The following UBR4 variants were observed in gnomAD, a reference collection of about 807,000 sequenced individuals.
UBR4 encodes E3 ubiquitin-protein ligase UBR4.
UBR4 carries 124 observed loss-of-function variants against 575.6 expected under a neutral mutation model. That is an observed-to-expected ratio of 0.22 (90% confidence interval 0.19 to 0.25). The LOEUF (loss-of-function observed/expected upper bound fraction) is 0.25, where lower values mean the gene tolerates loss of function less well. UBR4 is among the 10% of genes least tolerant of loss of function. The pLI is 1.00. For synonymous variants in UBR4, 2,455 were observed against 2,473.7 expected (o/e 0.99, Z 0.22); for missense variants, 4,818 against 6,478.8 (o/e 0.74, Z 8.80).
chr1:19,152,291 C>T lies in UBR4; in HGVS notation c.6996+22G>A. 6.2e-7 allele frequency: 1 copy of T among 1,613,128 alleles called. No homozygotes were observed. The highest frequency in any genetic ancestry group is 1.1e-5 in the South Asian group (1 of 91,034). On this transcript the variant is annotated intron_variant, in intron 47 of 105. Coordinates refer to ENST00000375254, the MANE Select transcript of UBR4 (RefSeq NM_020765.3). This position sits in a 1 kb window ranked among gnomAD's most constrained non-coding sequence, Gnocchi z 4.4. ...TGAGTCCTTCTACCCAGGGATTGAT[C>T]CCAGCCCAGTGCCATTCTTACCTTG...
At position 19,095,547 on chromosome 1, in the gene UBR4, G is replaced by A; in HGVS notation, c.13624C>T (p.Leu4542=). Residue 4542 remains leucine, a splice_region_variant and synonymous_variant, in exon 93 of 106, where the codon CTG becomes TTG. Coordinates refer to ENST00000375254, the MANE Select transcript of UBR4 (RefSeq NM_020765.3). ...TLNVMLGTLN[L]ALVAEQESKD... ...CACCTGCAGTCCATGCTCCTTACCA[G>A]GTTTAGGGTCCCCAGCATGACGTTC... 6.2e-7 allele frequency: 1 copy of A among 1,613,718 alleles called. No individual in the cohort carries two copies. The highest frequency in any genetic ancestry group is 8.5e-7 in the Non-Finnish European group (1 of 1,179,958).
At chr1:19,077,569 AC>A (rs1349517567) in intron 104 of UBR4, among the ~76,000 whole-genome samples, 1 of 152,174 alleles carries the variant, frequency 6.6e-6, no homozygotes, top group Non-Finnish European at 1.5e-5. Flanking sequence ...CCTCATCTCT[AC>A]TAAAAAAACA....
At position 19,105,037 on chromosome 1, in the gene UBR4, G is replaced by C; in HGVS notation, c.12645+11C>G. The stretch of plus-strand genomic sequence containing the variant: ...AGGGAAGGGGCTCTCTTGGGCAATA[G>C]GGTAGGATACCTTGGTGATGAGGTT... On this transcript the variant is annotated intron_variant, in intron 85 of 105. Transcript: ENST00000375254. The C allele has an allele frequency of 6.2e-7, 1 of 1,613,070 alleles. No individual in the cohort carries two copies. Among genetic ancestry groups the C allele is most frequent in the South Asian group, 1.1e-5 (1 of 90,978 alleles).
In UBR4 at chr1:19,121,471, G is replaced by A. The variant is rs201312454; in HGVS notation, c.9896-37C>T. 212 of 1,591,534 alleles carry A rather than the reference G, an allele frequency of 1.3e-4. 1 individual carries two copies. In the South Asian group the frequency reaches 2.0e-3, roughly 15 times the overall value. ...GGAGACAGAGGCTCACCTCTGAGAC[G>A]ACCTCAACCAGACTCAGGAGAACCA... On this transcript the variant is annotated intron_variant, in intron 67 of 105. Coordinates refer to ENST00000375254, the MANE Select transcript of UBR4 (RefSeq NM_020765.3).
At chr1:19,104,982 A>C in intron 85 of UBR4, 66 bp downstream of exon 85, 1 of 1,568,614 alleles carries the variant, frequency 6.4e-7, no homozygotes, top group Non-Finnish European at 8.6e-7. Context: ...ACACCATAGT[A>C]GAGTTTACAT....
rs1312739036 is a variant in UBR4, at chr1:19,174,335, T to G, written c.2966A>C (p.Lys989Thr). The G allele has an allele frequency of 6.2e-7, 1 of 1,613,258 alleles. No individual in the cohort carries two copies. Among genetic ancestry groups the G allele is most frequent in the East Asian group, 2.2e-5 (1 of 44,858 alleles). Residue 989 changes from lysine (K) to threonine (T), a missense_variant, in exon 22 of 106, where the codon AAG becomes ACG. Coordinates refer to ENST00000375254, the MANE Select transcript of UBR4 (RefSeq NM_020765.3). ...QLDTVRRKEN[K>T]NVTALEACAL... ...TGGTCTTACCAAGGCTGTTACATTC[T>G]TGTTTTCCTTTCTCCTAACTGTATC...
rs190840296 is a variant in UBR4, at chr1:19,176,795, G to A, written c.2638-68C>T. ...ACCATTCAGCTTTTCACTCAGGCAT[G>A]ATAATAGCTCGGTACACTGAATCTT... On this transcript the variant is annotated intron_variant, in intron 19 of 105. Coordinates refer to ENST00000375254, the MANE Select transcript of UBR4 (RefSeq NM_020765.3). The A allele has an allele frequency of 2.6e-6, 4 of 1,558,816 alleles. No individual in the cohort carries two copies. The East Asian group carries it at 6.8e-5, about 26-fold the overall frequency.
chr1:19,183,071 G>A (rs2091168229), intron 17 of UBR4, among the ~76,000 whole-genome samples: 1 of 152,156 alleles, frequency 6.6e-6, no homozygotes, highest in Non-Finnish European at 1.5e-5. Flanking sequence ...AAGTACAAGT[G>A]TATATGAGAG....
At chr1:19,179,868 G>A (rs1248811993) in intron 17 of UBR4, among the ~76,000 whole-genome samples, 1 of 152,156 alleles carries the variant, frequency 6.6e-6, no homozygotes, top group African/African-American at 2.4e-5. Flanking sequence ...TTTCTCACTT[G>A]GCTTCAGAAG....
chr1:19,141,838 C>T, intron 55 of UBR4, 61 bp from the exon 56 acceptor site: 1 of 1,592,248 alleles, frequency 6.3e-7, no homozygotes, highest in Admixed American at 1.7e-5. Context: ...GCACATGGTG[C>T]CATAAGTCAG....
chr1:19,141,015 G>T, intron 57 of UBR4, 123 bp from the exon 58 acceptor site: 1 of 1,051,414 alleles, frequency 9.5e-7, no homozygotes, highest in Non-Finnish European at 1.4e-6. Context: ...TGGCCTAGAG[G>T]AAGTTAGCTA....
intron 103 of UBR4, chr1:19,079,942 C>A: frequency 6.6e-6 from 1 of 152,244 alleles, no homozygotes; most frequent in East Asian, 1.9e-4. Context: ...GTAGCTCACA[C>A]TGGATTTCCT....
chr1:19,112,755 C>T lies in UBR4; in HGVS notation c.11570G>A (p.Arg3857His), dbSNP rs767051918. 1.9e-6 allele frequency: 3 copies of T among 1,614,208 alleles called. No homozygotes were observed. Among genetic ancestry groups the T allele is most frequent in the East Asian group, 2.2e-5 (1 of 44,878 alleles). Residue 3857 changes from arginine (R) to histidine (H), a missense_variant, in exon 78 of 106, where the codon CGT (arginine) becomes CAT (histidine). Arg to His is a conservative substitution (Grantham distance 29). This residue lies in a region of UBR4 where 333 missense variants were observed against 459.2 expected (regional missense o/e 0.73). Coordinates refer to ENST00000375254, the MANE Select transcript of UBR4 (RefSeq NM_020765.3). ...VQPTFTASQY[R>H]ALSVLGCGHT... ...GCCACAGCCCAGGACGGATAAGGCACGGTACTGGCTGGCAGTGAATGTGGG... is the reference window on the plus strand; with the variant it reads ...GCCACAGCCCAGGACGGATAAGGCATGGTACTGGCTGGCAGTGAATGTGGG...
chr1:19,143,319 A>C (rs553242152), intron 55 of UBR4, among the ~76,000 whole-genome samples: 23 of 147,592 alleles, frequency 1.6e-4, no homozygotes, highest in African/African-American at 5.8e-4. Flanking sequence ...AGAAAGAAAG[A>C]AAATTTAAAA....
intron 97 of UBR4, among the ~76,000 whole-genome samples, chr1:19,091,860 C>A (rs191585841): frequency 3.3e-5 from 5 of 152,224 alleles, no homozygotes; most frequent in Admixed American, 2.6e-4. Flanking sequence ...AAAACCTGCA[C>A]ACAAGTGTTC....
At chr1:19,199,620 A>G in intron 3 of UBR4, 31 bp downstream of exon 3, 2 of 1,603,990 alleles carry the variant, frequency 1.2e-6, no homozygotes, top group Non-Finnish European at 1.7e-6. Context: ...CTGCTTCAGA[A>G]TAGGGCAAGA....
chr1:19,154,280 A>G (rs1396134603), intron 44 of UBR4, among the ~76,000 whole-genome samples: 1 of 152,236 alleles, frequency 6.6e-6, no homozygotes, highest in Non-Finnish European at 1.5e-5. Flanking sequence ...CTCCAAACAC[A>G]TCGAGTTAGT....
intron 51 of UBR4, among the ~76,000 whole-genome samples, chr1:19,147,467 C>A (rs2085027862): frequency 6.6e-6 from 1 of 152,206 alleles, no homozygotes; most frequent in East Asian, 1.9e-4. Context: ...CCTCAGGGGT[C>A]TGAACTCTCA....
At chr1:19,102,286 G>A (rs1228378051) in intron 87 of UBR4, among the ~76,000 whole-genome samples, 1 of 151,992 alleles carries the variant, frequency 6.6e-6, no homozygotes, top group African/African-American at 2.4e-5. Flanking sequence ...GATGGTTTGA[G>A]CCCAGAAGGC....
Sources: gnomAD v4.1 joint callset for allele counts (sites outside exome capture counted in the v4.1 genomes callset) on GRCh38, gnomAD v4.1.1 for gene constraint, gnomAD v4.1.1 regional missense constraint, Gnocchi (gnomAD v3.1) non-coding constraint, MANE v1.5 for transcripts, NCBI Gene and HGNC (gene_info 2026-07-23, HGNC 2026-07-21) for gene names.